Variants in THSD7A observed in about 807,000 individuals in gnomAD.
THSD7A encodes thrombospondin type-1 domain-containing protein 7A.
Under a neutral mutation model 231.3 loss-of-function variants are expected in THSD7A, and 96 were observed. The observed-to-expected ratio is 0.41, with a 90% CI of 0.35 to 0.49. THSD7A has a LOEUF of 0.49. THSD7A is among the 20% of genes least tolerant of loss of function. The pLI, the probability that THSD7A is intolerant of heterozygous loss-of-function variation, is 0.05. For missense variants in THSD7A, 2,290 were observed against 2,070.2 expected, an observed-to-expected ratio of 1.11 and a Z score of -2.06; for synonymous variants, 940 against 743.3, an observed-to-expected ratio of 1.26 and a Z score of -4.30.
chr7:11,650,290 G>C (rs529740137), intron 1 of THSD7A, among the ~76,000 whole-genome samples: 2 of 151,894 alleles, frequency 1.3e-5, no homozygotes, highest in African/African-American at 2.4e-5. Flanking sequence ...ATATAATGTG[G>C]ACAACGTCTC....
intron 1 of THSD7A, among the ~76,000 whole-genome samples, chr7:11,756,584 T>C (rs1228139133): frequency 6.6e-6 from 1 of 150,666 alleles, no homozygotes; most frequent in Admixed American, 6.6e-5. Flanking sequence ...AGAAAGCAAA[T>C]CACAGGACAA....
intron 2 of THSD7A, among the ~76,000 whole-genome samples, chr7:11,609,131 T>TC (rs11429103): frequency 0.45 from 67,964 of 151,826 alleles, 16,183 homozygotes; most frequent in East Asian, 0.61. Flanking sequence ...TTTATATTAA[T>TC]CCTGCTCAAG....
intron 6 of THSD7A, among the ~76,000 whole-genome samples, chr7:11,538,365 G>A (rs759455320): frequency 6.6e-6 from 1 of 152,002 alleles, no homozygotes; most frequent in Non-Finnish European, 1.5e-5. Flanking sequence ...TGGCAGAGGA[G>A]AAGGAAATAT....
intron 1 of THSD7A, among the ~76,000 whole-genome samples, chr7:11,789,346 T>C (rs887548676): frequency 2.0e-5 from 3 of 152,048 alleles, no homozygotes; most frequent in African/African-American, 7.2e-5. Flanking sequence ...GCCATCAGAA[T>C]ATTTTAAGAA....
intron 1 of THSD7A, among the ~76,000 whole-genome samples, chr7:11,644,925 A>C (rs925693722): frequency 6.6e-6 from 1 of 151,910 alleles, no homozygotes; most frequent in Non-Finnish European, 1.5e-5. Context: ...TCACATTTTC[A>C]TGTGACAGTA....
At chr7:11,553,812 T>A (rs903731592) in intron 4 of THSD7A, among the ~76,000 whole-genome samples, 3 of 152,140 alleles carry the variant, frequency 2.0e-5, no homozygotes, top group South Asian at 2.1e-4. Flanking sequence ...TTCCGAAATA[T>A]TCTTGTGTTT....
chr7:11,778,780 G>T (rs1344114006), intron 1 of THSD7A, among the ~76,000 whole-genome samples: 1 of 152,016 alleles, frequency 6.6e-6, no homozygotes, highest in Non-Finnish European at 1.5e-5. Context: ...CATGTGAATA[G>T]AAATTGTCAC....
intron 1 of THSD7A, among the ~76,000 whole-genome samples, chr7:11,669,606 A>AT (rs1344006018): frequency 6.6e-6 from 1 of 151,852 alleles, no homozygotes. Context: ...GTAATTTAAA[A>AT]TTTTTTACTG....
At chr7:11,581,083 T>C (rs1291231481) in intron 4 of THSD7A, among the ~76,000 whole-genome samples, 2 of 152,120 alleles carry the variant, frequency 1.3e-5, no homozygotes, top group African/African-American at 4.8e-5. Flanking sequence ...GAACATAGAA[T>C]GAGTTTAATA....
At chr7:11,732,381 T>TACTGCC (rs772376284) in intron 1 of THSD7A, among the ~76,000 whole-genome samples, 4 of 151,878 alleles carry the variant, frequency 2.6e-5, no homozygotes, top group Non-Finnish European at 5.9e-5. Context: ...CCATGTGGCA[T>TACTGCC]ACTGCCGGAC....
chr7:11,802,965 A>G (rs942354732), intron 1 of THSD7A, among the ~76,000 whole-genome samples: 2 of 152,196 alleles, frequency 1.3e-5, no homozygotes, highest in Non-Finnish European at 2.9e-5. Flanking sequence ...ATAACCATAC[A>G]TATATTAAAT....
At chr7:11,789,569 TTTC>T (rs1303428447) in intron 1 of THSD7A, among the ~76,000 whole-genome samples, 1 of 152,020 alleles carries the variant, frequency 6.6e-6, no homozygotes, top group Non-Finnish European at 1.5e-5. Context: ...TCTTTTTTTT[TTTC>T]TTTTCTGGTA....
chr7:11,399,771 G>T (rs578140694), intron 23 of THSD7A, among the ~76,000 whole-genome samples: 92 of 152,126 alleles, frequency 6.0e-4, no homozygotes, highest in Admixed American at 1.8e-3. Context: ...CAAGGATCTG[G>T]AACTAGAAAT....
At chr7:11,461,076 G>A (rs1785489468) in intron 10 of THSD7A, among the ~76,000 whole-genome samples, 1 of 152,152 alleles carries the variant, frequency 6.6e-6, no homozygotes, top group South Asian at 2.1e-4. Context: ...CAGAAGTGAT[G>A]CATGCCATTT....
At chr7:11,753,665 G>C (rs971477869) in intron 1 of THSD7A, among the ~76,000 whole-genome samples, 2 of 151,368 alleles carry the variant, frequency 1.3e-5, no homozygotes, top group African/African-American at 4.9e-5. Flanking sequence ...TCCCAGTCTG[G>C]CTGGCCTGCC....
intron 8 of THSD7A, among the ~76,000 whole-genome samples, chr7:11,472,838 GCA>G (rs1785992584): frequency 6.6e-6 from 1 of 152,156 alleles, no homozygotes; most frequent in Admixed American, 6.6e-5. Flanking sequence ...TAGAAGCTCA[GCA>G]CAATAACCCT....
chr7:11,380,636 AAC>A, intron 24 of THSD7A, among the ~76,000 whole-genome samples: 1 of 152,102 alleles, frequency 6.6e-6, no homozygotes, highest in Middle Eastern at 3.2e-3. Context: ...GTTATTATTA[AAC>A]ACACACACAC....
intron 1 of THSD7A, among the ~76,000 whole-genome samples, chr7:11,795,346 G>A (rs886392139): frequency 1.2e-4 from 18 of 151,692 alleles, no homozygotes; most frequent in Non-Finnish European, 2.5e-4. Flanking sequence ...TTATAACCCC[G>A]AGCTCTACCC....
chr7:11,698,774 T>A (rs1201487617), intron 1 of THSD7A, among the ~76,000 whole-genome samples: 1 of 151,334 alleles, frequency 6.6e-6, no homozygotes, highest in Non-Finnish European at 1.5e-5. Context: ...ATTTGCTGAT[T>A]TCAGAAATGG....
Sources: allele counts gnomAD v4.1 joint callset (sites outside exome capture counted in the v4.1 genomes callset), GRCh38; gene constraint gnomAD v4.1.1; transcripts MANE v1.5; gene names NCBI Gene and HGNC (gene_info 2026-07-23, HGNC 2026-07-21).